Variants in ITSN1 observed in about 807,000 individuals in gnomAD.
ITSN1 encodes intersectin-1.
ITSN1 carries 58 observed loss-of-function variants against 239.8 expected under a neutral mutation model. The ratio of observed to expected loss-of-function variants is 0.24; its 90% CI spans 0.20 to 0.30. ITSN1 has a LOEUF of 0.30. Among genes scored for constraint, ITSN1 ranks in the 10% least tolerant of loss-of-function variants. The pLI, the probability that ITSN1 is intolerant of heterozygous loss-of-function variation, is 1.00. For missense variants in ITSN1, 1,558 were observed against 2,103.3 expected, an observed-to-expected ratio of 0.74 and a Z score of 5.07; for synonymous variants, 780 against 770.8, an observed-to-expected ratio of 1.01 and a Z score of -0.20.
intron 20 of ITSN1, among the ~76,000 whole-genome samples, chr21:33,803,980 A>G (rs2148112159): frequency 1.3e-5 from 2 of 152,296 alleles, no homozygotes; most frequent in South Asian, 4.1e-4. Flanking sequence ...AGTCAATGCA[A>G]AAAGATAGAT....
rs984751301 is a variant in ITSN1 at position 33,888,507 on chromosome 21, T to G, written c.*207T>G. 7.9e-5 allele frequency: 45 copies of G among 571,748 alleles called. No individual in the cohort carries two copies. Among genetic ancestry groups the G allele is most frequent in the African/African-American group, 7.5e-4 (40 of 53,298 alleles). The allele number at this position is 571,748 out of a possible 1,614,324, so 35.4% of individuals were successfully genotyped here. On this transcript the variant is annotated 3_prime_UTR_variant, in exon 40 of 40. Coordinates refer to ENST00000381318, the MANE Select transcript of ITSN1 (RefSeq NM_003024.3). ...AATTTCCTGTTTCATGAAACAAAGCTGTGTTTTCCTTTGTCCTCACTACAG... is the reference window on the plus strand; with the variant it reads ...AATTTCCTGTTTCATGAAACAAAGCGGTGTTTTCCTTTGTCCTCACTACAG...
At chr21:33,718,240 A>G (rs76010815) in intron 1 of ITSN1, among the ~76,000 whole-genome samples, 6,762 of 152,300 alleles carry the variant, frequency 0.044, 514 homozygotes, top group African/African-American at 0.16. Context: ...TAAATGCTCA[A>G]TGAAAAGAAG....
At chr21:33,725,979 G>A (rs2065809878) in intron 4 of ITSN1, among the ~76,000 whole-genome samples, 1 of 151,948 alleles carries the variant, frequency 6.6e-6, no homozygotes, top group African/African-American at 2.4e-5. Flanking sequence ...TAAAGCCTAG[G>A]TTTTTTTGTT....
intron 18 of ITSN1, among the ~76,000 whole-genome samples, chr21:33,798,016 A>G (rs76675975): frequency 6.6e-6 from 1 of 152,324 alleles, no homozygotes; most frequent in East Asian, 1.9e-4. Flanking sequence ...TTCGGTCTGC[A>G]TTGCATAAAA....
intron 18 of ITSN1, among the ~76,000 whole-genome samples, chr21:33,798,339 A>T (rs992769689): frequency 1.8e-4 from 27 of 150,980 alleles, no homozygotes; most frequent in African/African-American, 6.3e-4. Context: ...GCCTCAGGCG[A>T]TCCTCCCACC....
chr21:33,706,068 G>A (rs890619073), intron 1 of ITSN1, among the ~76,000 whole-genome samples: 4 of 152,122 alleles, frequency 2.6e-5, no homozygotes, highest in Non-Finnish European at 5.9e-5. Context: ...ACCCAGGCTG[G>A]AAGTACAGTG....
intron 9 of ITSN1, among the ~76,000 whole-genome samples, chr21:33,765,309 A>G (rs1409406257): frequency 6.6e-6 from 1 of 152,218 alleles, no homozygotes; most frequent in East Asian, 1.9e-4. Context: ...CAGCCTGGGC[A>G]ACACAGTGAG....
intron 1 of ITSN1, among the ~76,000 whole-genome samples, chr21:33,661,237 C>G (rs2089527853): frequency 1.0e-5 from 1 of 99,062 alleles, no homozygotes; most frequent in African/African-American, 7.0e-5. Context: ...AAATCGAGTT[C>G]CTGTAAAAAA....
At chr21:33,741,758 G>T (rs1028859203) in intron 5 of ITSN1, among the ~76,000 whole-genome samples, 16 of 151,644 alleles carry the variant, frequency 1.1e-4, no homozygotes, top group Non-Finnish European at 2.4e-4. Context: ...AACCAAGCAT[G>T]GTGGCGGGTG....
chr21:33,794,158 C>T (rs911671799), intron 16 of ITSN1, among the ~76,000 whole-genome samples, 183 bp from the exon 17 acceptor site: 7 of 152,148 alleles, frequency 4.6e-5, no homozygotes, highest in Non-Finnish European at 1.0e-4. Context: ...CTTAAGTGGC[C>T]TTTGGAAATC....
intron 21 of ITSN1, among the ~76,000 whole-genome samples, chr21:33,811,590 C>CT (rs959309881): frequency 1.2e-4 from 18 of 151,992 alleles, no homozygotes; most frequent in Non-Finnish European, 2.2e-4. Flanking sequence ...GCAAATAGCA[C>CT]TTTTTTTTGC....
chr21:33,839,603 A>G (rs1026706129), intron 29 of ITSN1, among the ~76,000 whole-genome samples: 3 of 152,148 alleles, frequency 2.0e-5, no homozygotes, highest in African/African-American at 7.2e-5. Flanking sequence ...CAGCTGTGTA[A>G]GCCAGTGTTG....
rs932040702 is a variant in ITSN1 at position 33,823,595 on chromosome 21, C to G, written c.3125C>G (p.Thr1042Arg). ...AAAGATGGTGACTGGTGGACAGGAA[C>G]AGTGGGCGACAAGGCCGGAGTCTTC... The part of the protein sequence containing the change: ...TKKDGDWWTG[T>R]VGDKAGVFPS... The change falls in exon 25 of 40, where the codon ACA becomes AGA. Residue 1042 changes from threonine (T) to arginine (R), a missense_variant. Thr to Arg is a moderately conservative substitution (Grantham distance 71). This residue lies in a region of ITSN1 where 576 missense variants were observed against 893.3 expected (regional missense o/e 0.64). Transcript: ENST00000381318. 5 of 1,614,060 alleles carry G rather than the reference C, an allele frequency of 3.1e-6. No homozygotes were observed. The highest frequency in any genetic ancestry group is 1.3e-5 in the African/African-American group (1 of 74,916).
At chr21:33,838,470 A>G (rs2074708614) in intron 29 of ITSN1, 1 of 981,384 alleles carries the variant, frequency 1.0e-6, no homozygotes, top group South Asian at 4.7e-5. Context: ...TTCCGTGTAT[A>G]GATAATTAAA....
intron 1 of ITSN1, among the ~76,000 whole-genome samples, chr21:33,676,899 A>G (rs1002674207): frequency 6.6e-6 from 1 of 151,662 alleles, no homozygotes; most frequent in Non-Finnish European, 1.5e-5. Context: ...TATGTGCCAC[A>G]TTTTCGACAG....
At chr21:33,667,414 T>C (rs1282974290) in intron 1 of ITSN1, among the ~76,000 whole-genome samples, 1 of 152,154 alleles carries the variant, frequency 6.6e-6, no homozygotes, top group Non-Finnish European at 1.5e-5. Flanking sequence ...TACGAACTAC[T>C]TGTATTATAT....
At chr21:33,783,022 C>G (rs1430441560) in intron 16 of ITSN1, among the ~76,000 whole-genome samples, 1 of 150,204 alleles carries the variant, frequency 6.7e-6, no homozygotes, top group Non-Finnish European at 1.5e-5. Context: ...AAGACTCTGT[C>G]TCAAAAAAAA....
intron 29 of ITSN1, among the ~76,000 whole-genome samples, chr21:33,839,145 TG>T (rs2148422452): frequency 6.6e-6 from 1 of 152,348 alleles, no homozygotes; most frequent in Admixed American, 6.5e-5. Context: ...CATTGGCTTC[TG>T]GGAGGAGTGT....
rs71194863 is a variant in ITSN1 at position 33,730,388 on chromosome 21, CTTTTTTTTTTTTT to C, written c.186-4640_186-4628del. 2.2e-4 allele frequency among the ~76,000 whole-genome samples: 11 copies of C among 49,368 alleles called. No homozygotes were observed. In the South Asian group the frequency reaches 2.8e-3, roughly 12 times the overall value. The allele number at this position is 49,368 out of a possible 152,430, so 32.4% of individuals were successfully genotyped here. On this transcript the variant is annotated intron_variant, in intron 4 of 39. Transcript: ENST00000381318. ...TAACCTGCTATAAATGCTCTCTGTT[CTTTTTTTTTTTTT>C]TTTTTTTTTTTTTTTCTGGAGACAG...
Sources: allele counts gnomAD v4.1 joint callset (sites outside exome capture counted in the v4.1 genomes callset), GRCh38; gene constraint gnomAD v4.1.1; regional missense constraint gnomAD v4.1.1; transcripts MANE v1.5; gene names NCBI Gene and HGNC (gene_info 2026-07-23, HGNC 2026-07-21).